The following SORCS1 variants were observed in gnomAD, a reference collection of about 807,000 sequenced individuals.
The protein encoded by SORCS1 is sortilin related VPS10 domain containing receptor 1.
SORCS1 carries 60 observed loss-of-function variants against 146.1 expected under a neutral mutation model. That is an observed-to-expected ratio of 0.41 (90% CI 0.33 to 0.51). The LOEUF is 0.51. Ranked by LOEUF, SORCS1 falls within the 20% of genes least tolerant of loss-of-function variation. The pLI is 0.21. For synonymous variants in SORCS1, 637 were observed against 584.0 expected (o/e 1.09, Z -1.31); for missense variants, 1,352 against 1,487.6 (o/e 0.91, Z 1.50).
intron 3 of SORCS1, among the ~76,000 whole-genome samples, chr10:106,778,439 C>A (rs1860630929): frequency 6.6e-6 from 1 of 151,960 alleles, no homozygotes; most frequent in South Asian, 2.1e-4. Flanking sequence ...GACGGCGTTC[C>A]CTCATCAGAT....
At chr10:107,148,506 T>TA (rs1400068743) in intron 1 of SORCS1, among the ~76,000 whole-genome samples, 3 of 152,172 alleles carry the variant, frequency 2.0e-5, no homozygotes, top group African/African-American at 4.8e-5. Context: ...TTGTGGGCCA[T>TA]AAAAAACAGG....
At chr10:107,095,963 A>T (rs994059806) in intron 1 of SORCS1, among the ~76,000 whole-genome samples, 1 of 152,164 alleles carries the variant, frequency 6.6e-6, no homozygotes, top group Non-Finnish European at 1.5e-5. Flanking sequence ...TTAAAAAAAA[A>T]CAAGAATAAA....
chr10:106,857,135 C>T (rs1441890672), intron 2 of SORCS1, among the ~76,000 whole-genome samples: 1 of 152,154 alleles, frequency 6.6e-6, no homozygotes, highest in Non-Finnish European at 1.5e-5. Context: ...CCCCAGATCC[C>T]CAGTCCCCAG....
At chr10:106,728,471 T>C (rs561180051) in intron 6 of SORCS1, among the ~76,000 whole-genome samples, 1 of 152,214 alleles carries the variant, frequency 6.6e-6, no homozygotes, top group South Asian at 2.1e-4. Flanking sequence ...GCTGGGCATG[T>C]TACATGTGGC....
intron 3 of SORCS1, among the ~76,000 whole-genome samples, chr10:106,791,497 C>A (rs1004540935): frequency 1.3e-5 from 2 of 152,036 alleles, no homozygotes. Context: ...GTCAAAAGAT[C>A]GAGACCAACC....
At chr10:106,963,657 A>G (rs1167296228) in intron 1 of SORCS1, among the ~76,000 whole-genome samples, 8 of 150,892 alleles carry the variant, frequency 5.3e-5, no homozygotes, top group Non-Finnish European at 1.2e-4. Context: ...AATATTACTC[A>G]TCTCTTGAAT....
intron 16 of SORCS1, 101 bp downstream of exon 16, chr10:106,671,136 A>T (rs1851566712): frequency 6.7e-7 from 1 of 1,501,114 alleles, no homozygotes; most frequent in Non-Finnish European, 9.1e-7. Flanking sequence ...CTGGCCACTT[A>T]GCCCTATGTA....
chr10:106,813,136 T>C (rs897243552), intron 3 of SORCS1, among the ~76,000 whole-genome samples: 2 of 142,524 alleles, frequency 1.4e-5, no homozygotes, highest in East Asian at 2.0e-4. Context: ...TTCTTTTTTT[T>C]TTTTTTTTTT....
rs1230868036 is a variant in SORCS1, at chr10:106,579,344, G to C, written c.3371+25C>G. The stretch of plus-strand genomic sequence containing the variant: ...GGAGAAGGAAGAGGTCAGGGGTGGG[G>C]GAACGTGGATAGAGGGACACGCACC... On this transcript the variant is annotated intron_variant, in intron 25 of 25. Coordinates refer to ENST00000263054, the MANE Select transcript of SORCS1 (RefSeq NM_052918.5). 3 of 1,613,862 alleles carry C rather than the reference G, an allele frequency of 1.9e-6. No homozygotes were observed. In the Admixed American group the frequency reaches 5.0e-5, roughly 27 times the overall value.
intron 2 of SORCS1, among the ~76,000 whole-genome samples, chr10:106,843,743 C>T (rs1949172984): frequency 6.6e-6 from 1 of 152,062 alleles, no homozygotes; most frequent in African/African-American, 2.4e-5. Context: ...ACAAGATTTC[C>T]TTTTTCTAAG....
chr10:106,678,232 C>T (rs1264952150), intron 12 of SORCS1, among the ~76,000 whole-genome samples: 1 of 152,130 alleles, frequency 6.6e-6, no homozygotes, highest in Non-Finnish European at 1.5e-5. Flanking sequence ...CTTTGCCTTG[C>T]TTGCGGTGTT....
At chr10:106,625,145 C>A (rs1848014561) in intron 19 of SORCS1, among the ~76,000 whole-genome samples, 1 of 151,886 alleles carries the variant, frequency 6.6e-6, no homozygotes, top group Non-Finnish European at 1.5e-5. Context: ...TTGTTTATAG[C>A]CCTCCTGTGC....
intron 1 of SORCS1, among the ~76,000 whole-genome samples, chr10:107,137,079 C>A (rs1160348265): frequency 1.3e-5 from 2 of 152,190 alleles, no homozygotes; most frequent in South Asian, 4.1e-4. Flanking sequence ...TCCCCATGGG[C>A]CCTTTAACTC....
intron 23 of SORCS1, among the ~76,000 whole-genome samples, chr10:106,598,276 T>TATTATTATC (rs1846030375): frequency 1.3e-5 from 2 of 148,292 alleles, no homozygotes; most frequent in African/African-American, 5.0e-5. Context: ...TTATTATTAT[T>TATTATTATC]ATTTGAGATG....
intron 6 of SORCS1, among the ~76,000 whole-genome samples, chr10:106,711,756 G>A (rs1302095382): frequency 6.6e-6 from 1 of 152,038 alleles, no homozygotes; most frequent in Non-Finnish European, 1.5e-5. Context: ...GTAATTTCAC[G>A]TTAGAGCAGA....
chr10:106,734,420 A>G (rs1357588079), intron 5 of SORCS1, among the ~76,000 whole-genome samples: 2 of 152,234 alleles, frequency 1.3e-5, no homozygotes, highest in Non-Finnish European at 1.5e-5. Context: ...AATGATGAAC[A>G]TACTTTTGCA....
Position 106,959,324 on chromosome 10 carries a change from T to C in SORCS1, c.559-2744A>G, listed in dbSNP as rs376853064. The stretch of plus-strand genomic sequence containing the variant: ...CTTGAATCAATCTATTTAATCTTTC[T>C]GTTTTCAGAACAAGAGCAAGAAAGA... On this transcript the variant is annotated intron_variant, in intron 1 of 25. Coordinates refer to ENST00000263054, the MANE Select transcript of SORCS1 (RefSeq NM_052918.5). Among the ~76,000 whole-genome samples the C allele has an allele frequency of 5.3e-5, 8 of 152,356 alleles. No individual in the cohort carries two copies. In the East Asian group the frequency reaches 7.7e-4, roughly 15 times the overall value.
At chr10:106,756,463 TGTCC>T (rs1214167960) in intron 5 of SORCS1, among the ~76,000 whole-genome samples, 1 of 152,178 alleles carries the variant, frequency 6.6e-6, no homozygotes, top group East Asian at 1.9e-4. Flanking sequence ...TAAACCTCAG[TGTCC>T]TTGAACCCCT....
At chr10:106,941,016 T>C (rs1224942140) in intron 2 of SORCS1, among the ~76,000 whole-genome samples, 1 of 152,252 alleles carries the variant, frequency 6.6e-6, no homozygotes, top group African/African-American at 2.4e-5. Context: ...TCTTCTTTAC[T>C]GCTTAGTATC....
Sources: gnomAD v4.1 joint callset for allele counts (sites outside exome capture counted in the v4.1 genomes callset) on GRCh38, gnomAD v4.1.1 for gene constraint, MANE v1.5 for transcripts, NCBI Gene and HGNC (gene_info 2026-07-23, HGNC 2026-07-21) for gene names.